The following EVC2 variants were observed in gnomAD, a reference collection of about 807,000 sequenced individuals.
The protein encoded by EVC2 is EvC ciliary complex subunit 2, also known as limbin.
In EVC2, 148 loss-of-function variants were observed where a neutral mutation model predicts 149.3. That is an observed-to-expected ratio of 0.99 (90% CI 0.87 to 1.14). The LOEUF (loss-of-function observed/expected upper bound fraction) is 1.14, where lower values mean the gene tolerates loss of function less well. Among genes scored for constraint, EVC2 ranks in the 50% most tolerant of loss-of-function variants. EVC2 has a pLI of 0.00. For synonymous variants in EVC2, 776 were observed against 649.9 expected (o/e 1.19, Z -2.95); for missense variants, 1,854 against 1,627.3 (o/e 1.14, Z -2.40).
Position 5,576,159 on chromosome 4 carries a change from G to C in EVC2, c.3272+81C>G. Reference sequence around the variant, plus strand: ...GAGGGTGAGAGCCCAGGTGGGTATGGGTGGGCTGAGTTGGAGATGCCAGGT... The same window carrying C: ...GAGGGTGAGAGCCCAGGTGGGTATGCGTGGGCTGAGTTGGAGATGCCAGGT... On this transcript the variant is annotated intron_variant, in intron 18 of 21. Coordinates refer to ENST00000344408, the MANE Select transcript of EVC2 (RefSeq NM_147127.5). This position sits in a 1 kb window ranked among gnomAD's most constrained non-coding sequence, Gnocchi z 4.5. 1 of 1,609,530 alleles carries C rather than the reference G, an allele frequency of 6.2e-7. No individual in the cohort carries two copies. Among genetic ancestry groups the C allele is most frequent in the Non-Finnish European group, 8.5e-7 (1 of 1,178,608 alleles).
At position 5,679,578 on chromosome 4, in the gene EVC2, C is replaced by T. The variant is rs546575385; in HGVS notation, c.870+1682G>A. ...AAAATATATGCTGTGCAGGTTTCTTCAGTAATAAGTTAATCTTGGCTTACT... is the reference window on the plus strand; with the variant it reads ...AAAATATATGCTGTGCAGGTTTCTTTAGTAATAAGTTAATCTTGGCTTACT... On this transcript the variant is annotated intron_variant, in intron 7 of 21. Coordinates refer to ENST00000344408, the MANE Select transcript of EVC2 (RefSeq NM_147127.5). The surrounding 1 kb of genome is among the most constrained non-coding windows in gnomAD (Gnocchi z 5.1). 6.6e-6 allele frequency among the ~76,000 whole-genome samples: 1 copy of T among 152,208 alleles called. No individual in the cohort carries two copies. The highest frequency in any genetic ancestry group is 2.4e-5 in the African/African-American group (1 of 41,558).
At position 5,696,646 on chromosome 4, in the gene EVC2, G is replaced by A. The variant is rs937614475; in HGVS notation, c.283+947C>T. 1.3e-5 allele frequency among the ~76,000 whole-genome samples: 2 copies of A among 152,330 alleles called. No homozygotes were observed. The highest frequency in any genetic ancestry group is 3.9e-4 in the East Asian group (2 of 5,188). ...TGCCTGTGAAAGATGCTCACCAGAG[G>A]AAAGCAGGGCGGCTGAGAGGGAAGG... On this transcript the variant is annotated intron_variant, in intron 2 of 21. Coordinates refer to ENST00000344408, the MANE Select transcript of EVC2 (RefSeq NM_147127.5). The surrounding 1 kb of genome is among the most constrained non-coding windows in gnomAD (Gnocchi z 4.1).
chr4:5,570,698 T>C (rs1722590999), intron 19 of EVC2, among the ~76,000 whole-genome samples: 2 of 152,194 alleles, frequency 1.3e-5, no homozygotes, highest in Admixed American at 6.5e-5. Flanking sequence ...TGGACATGCA[T>C]GTTTATAGCA....
chr4:5,610,795 T>TTTC lies in EVC2; in HGVS notation c.2829+4626_2829+4627insGAA, dbSNP rs386399127. ...TATGTCTTGCTCCTTTTTCCTTTTC[T>TTTC]TTTTTTTTTTTTTTTTGCCAAATGC... On this transcript the variant is annotated intron_variant, in intron 16 of 21. Transcript: ENST00000344408. 1.4e-3 allele frequency among the ~76,000 whole-genome samples: 70 copies of TTTC among 51,428 alleles called. No individual in the cohort carries two copies. The African/African-American group carries it at 0.016, about 12-fold the overall frequency. 33.7% of individuals were successfully genotyped at this position (51,428 alleles called of 152,430 possible).
In EVC2 at chr4:5,681,262, T is replaced by G; in HGVS notation, c.868A>C (p.Thr290Pro). ...LFSITAEENV[T>P]VLPHHGLHAA... ...TCAGGGCATGTCATGTCTCTTACCG[T>G]TACGTTTTCTTCTGCTGTTATGGAA... is the stretch of plus-strand genomic sequence containing the variant. The change falls in exon 7 of 22, where the codon ACG becomes CCG. Residue 290 changes from threonine to proline, a missense_variant and splice_region_variant. Coordinates refer to ENST00000344408, the MANE Select transcript of EVC2 (RefSeq NM_147127.5). 1 of 1,614,242 alleles carries G rather than the reference T, an allele frequency of 6.2e-7. No homozygotes were observed. The highest frequency in any genetic ancestry group is 8.5e-7 in the Non-Finnish European group (1 of 1,180,020).
At chr4:5,572,225 T>G (rs2108774720) in intron 19 of EVC2, among the ~76,000 whole-genome samples, 1 of 152,306 alleles carries the variant, frequency 6.6e-6, no homozygotes. Flanking sequence ...ACCTGGTGCC[T>G]GCTGCCCAGA....
chr4:5,577,466 G>A (rs1393294055), intron 17 of EVC2, among the ~76,000 whole-genome samples: 1 of 152,160 alleles, frequency 6.6e-6, no homozygotes, highest in Non-Finnish European at 1.5e-5. Context: ...GGACTGGAAG[G>A]TGGACAGGGT....
intron 16 of EVC2, among the ~76,000 whole-genome samples, chr4:5,603,246 G>A (rs1438281383): frequency 6.6e-6 from 1 of 152,160 alleles, no homozygotes; most frequent in Non-Finnish European, 1.5e-5. Flanking sequence ...TTTTATTGGG[G>A]TCAGTGGGAA....
At position 5,640,241 on chromosome 4, in the gene EVC2, G is replaced by A. The variant is rs1040741411; in HGVS notation, c.1470+273C>T. Among the ~76,000 whole-genome samples the A allele has an allele frequency of 2.6e-5, 4 of 151,496 alleles. No homozygotes were observed. Among genetic ancestry groups the A allele is most frequent in the African/African-American group, 9.7e-5 (4 of 41,168 alleles). On this transcript the variant is annotated intron_variant, in intron 10 of 21. Transcript: ENST00000344408. The surrounding 1 kb of genome is among the most constrained non-coding windows in gnomAD (Gnocchi z 4.6). ...TGGACAGATGGGTGAATGAGTGGGTGGATGAATGGATAGGTGCACAGATGA... is the reference window on the plus strand; with the variant it reads ...TGGACAGATGGGTGAATGAGTGGGTAGATGAATGGATAGGTGCACAGATGA...
At position 5,618,746 on chromosome 4, in the gene EVC2, A is replaced by G; in HGVS notation, c.2502-64T>C. The G allele has an allele frequency of 6.9e-7, 1 of 1,454,020 alleles. No individual in the cohort carries two copies. The highest frequency in any genetic ancestry group is 1.2e-5 in the South Asian group (1 of 81,812). The allele number at this position is 1,454,020 out of a possible 1,614,324, so 90.1% of individuals were successfully genotyped here. A position where few individuals can be genotyped will look rare whatever the true frequency, so the allele number is the denominator to read the frequency against. On this transcript the variant is annotated intron_variant, in intron 14 of 21. Coordinates refer to ENST00000344408, the MANE Select transcript of EVC2 (RefSeq NM_147127.5). This position sits in a 1 kb window ranked among gnomAD's most constrained non-coding sequence, Gnocchi z 4.4. Reference sequence around the variant, plus strand: ...AAGCCTGGGGGCTGGGCTGGGGTGAAGAAGCCAGAGATGCAAAGCTCATTC... The same window carrying G: ...AAGCCTGGGGGCTGGGCTGGGGTGAGGAAGCCAGAGATGCAAAGCTCATTC...
chr4:5,643,064 T>C (rs1181327837), intron 9 of EVC2, among the ~76,000 whole-genome samples: 2 of 152,174 alleles, frequency 1.3e-5, no homozygotes, highest in Non-Finnish European at 2.9e-5. Flanking sequence ...TCTACATGAA[T>C]ATGTACATGC....
chr4:5,591,097 G>T (rs1712754401), intron 16 of EVC2, among the ~76,000 whole-genome samples: 1 of 152,070 alleles, frequency 6.6e-6, no homozygotes, highest in Admixed American at 6.5e-5. Context: ...AGATTGGGTG[G>T]AGACACAGGA....
rs577505541 is a variant in EVC2, at chr4:5,598,479, T to C, written c.2830-13629A>G. 2.0e-5 allele frequency among the ~76,000 whole-genome samples: 3 copies of C among 152,304 alleles called. No homozygotes were observed. The South Asian group carries it at 6.2e-4, about 32-fold the overall frequency. ...AACAAGCAATGGGGAAAGGATTCCC[T>C]ATTTAATAAATGGTGCTGGGAAAAC... is the stretch of plus-strand genomic sequence containing the variant. On this transcript the variant is annotated intron_variant, in intron 16 of 21. Transcript: ENST00000344408.
chr4:5,623,063 G>A, intron 13 of EVC2, 72 bp from the exon 14 acceptor site: 1 of 1,381,128 alleles, frequency 7.2e-7, no homozygotes, highest in African/African-American at 1.4e-5. Flanking sequence ...GAAACACTTT[G>A]TTGCAGGAAG....
rs1722344122 is a variant in EVC2 at position 5,708,288 on chromosome 4, G to T, written c.226C>A (p.Gln76Lys). 6.8e-7 allele frequency: 1 copy of T among 1,478,082 alleles called. No homozygotes were observed. Among genetic ancestry groups the T allele is most frequent in the African/African-American group, 1.5e-5 (1 of 68,512 alleles). The allele number at this position is 1,478,082 out of a possible 1,614,324, so 91.6% of individuals were successfully genotyped here. A position where few individuals can be genotyped will look rare whatever the true frequency, so the allele number is the denominator to read the frequency against. ...RSGAGPESST[Q>K]DLPCMIWPKV... ...GCCTGGGGTCGGGCCCTCCTTACCT[G>T]CGTGCTGCTCTCGGGCCCCGCCCCG... The change falls in exon 1 of 22, where the codon CAG becomes AAG. Residue 76 changes from glutamine (Q) to lysine (K), a missense_variant and splice_region_variant. By Grantham distance (53) the Gln-to-Lys change is moderately conservative. Coordinates refer to ENST00000344408, the MANE Select transcript of EVC2 (RefSeq NM_147127.5).
Position 5,665,640 on chromosome 4 carries a change from G to A in EVC2, c.880C>T (p.His294Tyr). Residue 294 changes from histidine to tyrosine, a missense_variant, in exon 8 of 22, where the codon CAC becomes TAC. Physicochemically the swap from His to Tyr is moderately conservative, Grantham distance 83. Transcript: ENST00000344408. The stretch of plus-strand genomic sequence containing the variant: ...AACCCTGCTGCGTGGAGGCCGTGGT[G>A]CGGCAGAACCTGTGGAGACAAGAGG... ...TAEENVTVLP[H>Y]HGLHAAGFFI... is the part of the protein sequence containing the mutation. The A allele has an allele frequency of 1.2e-6, 2 of 1,614,156 alleles. No individual in the cohort carries two copies. Among genetic ancestry groups the A allele is most frequent in the Non-Finnish European group, 1.7e-6 (2 of 1,180,014 alleles).
chr4:5,556,304 G>T (rs189224434), intron 21 of EVC2, among the ~76,000 whole-genome samples: 1 of 151,024 alleles, frequency 6.6e-6, no homozygotes, highest in Non-Finnish European at 1.5e-5. Flanking sequence ...AGAATATAGC[G>T]TAATATATTC....
chr4:5,679,518 A>T lies in EVC2; in HGVS notation c.870+1742T>A, dbSNP rs1415940615. Among the ~76,000 whole-genome samples, 2 of 152,208 alleles carry T rather than the reference A, an allele frequency of 1.3e-5. No individual in the cohort carries two copies. Among genetic ancestry groups the T allele is most frequent in the African/African-American group, 2.4e-5 (1 of 41,458 alleles). On this transcript the variant is annotated intron_variant, in intron 7 of 21. Transcript: ENST00000344408. The surrounding 1 kb of genome is among the most constrained non-coding windows in gnomAD (Gnocchi z 5.1). ...CTCCCAAAGTACTGAGATTACAGGC[A>T]TGAGCCACTATGCCTGGCCACTAAA...
In EVC2 at chr4:5,618,922, C is replaced by T. The variant is rs57126574; in HGVS notation, c.2502-240G>A. Among the ~76,000 whole-genome samples the T allele has an allele frequency of 0.17, 25,195 of 152,184 alleles. 4,806 individuals carry two copies. The highest frequency in any genetic ancestry group is 0.47 in the African/African-American group (19,301 of 41,494). On this transcript the variant is annotated intron_variant, in intron 14 of 21. Coordinates refer to ENST00000344408, the MANE Select transcript of EVC2 (RefSeq NM_147127.5). This position sits in a 1 kb window ranked among gnomAD's most constrained non-coding sequence, Gnocchi z 4.4. ...TGAATGAGGCCAGGCTGTGAGGGTG[C>T]CTTTGAGGAGGCAACAGGCCTTCCA...
Sources: allele counts gnomAD v4.1 joint callset (sites outside exome capture counted in the v4.1 genomes callset), GRCh38; gene constraint gnomAD v4.1.1; non-coding constraint Gnocchi (gnomAD v3.1); transcripts MANE v1.5; gene names NCBI Gene and HGNC (gene_info 2026-07-23, HGNC 2026-07-21).